AP3B1: variants seen among roughly 807,000 people sequenced by gnomAD.
The protein encoded by AP3B1 is AP-3 complex subunit beta-1.
In AP3B1, 61 loss-of-function variants were observed where a neutral mutation model predicts 132.5. The observed-to-expected ratio is 0.46, with a 90% CI of 0.37 to 0.57. AP3B1 has a LOEUF of 0.57. Ranked by LOEUF, AP3B1 falls within the 20% of genes least tolerant of loss-of-function variation. The pLI, the probability that AP3B1 is intolerant of heterozygous loss-of-function variation, is 0.00. For missense variants in AP3B1, 1,120 were observed against 1,289.4 expected (o/e 0.87, Z 2.01); for synonymous variants, 388 against 438.3 (o/e 0.89, Z 1.43).
intron 21 of AP3B1, among the ~76,000 whole-genome samples, chr5:78,093,415 C>G (rs1331771038): frequency 6.6e-6 from 1 of 152,154 alleles, no homozygotes; most frequent in African/African-American, 2.4e-5. Context: ...TCAGTAGAAT[C>G]CAATTTGGAA....
chr5:78,022,523 C>T (rs2112069436), intron 24 of AP3B1, among the ~76,000 whole-genome samples: 1 of 152,294 alleles, frequency 6.6e-6, no homozygotes, highest in Non-Finnish European at 1.5e-5. Flanking sequence ...CAGTTTATGG[C>T]TGTTGTTGTG....
chr5:78,290,150 T>C (rs777810674), intron 1 of AP3B1, among the ~76,000 whole-genome samples: 2 of 152,248 alleles, frequency 1.3e-5, no homozygotes, highest in Non-Finnish European at 2.9e-5. Flanking sequence ...AAACTGAGGT[T>C]TGAAGAGATC....
chr5:78,076,262 T>G (rs1749763584), intron 22 of AP3B1, among the ~76,000 whole-genome samples: 1 of 152,232 alleles, frequency 6.6e-6, no homozygotes, highest in Non-Finnish European at 1.5e-5. Context: ...ATAAACTTTC[T>G]CAGGGCAAGA....
chr5:78,147,749 T>A (rs1196370339), intron 14 of AP3B1, among the ~76,000 whole-genome samples: 1 of 152,220 alleles, frequency 6.6e-6, no homozygotes, highest in Non-Finnish European at 1.5e-5. Context: ...AGAAAGTTGA[T>A]GCATCAGCCA....
chr5:78,225,747 A>G, intron 5 of AP3B1, 139 bp from the exon 6 acceptor site: 1 of 586,920 alleles, frequency 1.7e-6, no homozygotes. Context: ...AAGAAAAACA[A>G]ATAAAATGGG....
chr5:78,031,645 G>A (rs996343562), intron 24 of AP3B1, among the ~76,000 whole-genome samples: 6 of 151,996 alleles, frequency 3.9e-5, no homozygotes, highest in Non-Finnish European at 7.4e-5. Context: ...ACTGTCTTAA[G>A]ACCCCTACTC....
chr5:78,200,164 T>C (rs952065422), intron 7 of AP3B1, among the ~76,000 whole-genome samples: 18 of 151,886 alleles, frequency 1.2e-4, no homozygotes, highest in African/African-American at 1.9e-4. Context: ...GAGGCAAAGA[T>C]GACAGCTCCA....
In AP3B1 at chr5:78,227,546, A is replaced by T; in HGVS notation, c.376-14T>A. On this transcript the variant is annotated splice_polypyrimidine_tract_variant and intron_variant, in intron 4 of 26. Coordinates refer to ENST00000255194, the MANE Select transcript of AP3B1 (RefSeq NM_003664.5). ...TTGGTTTGGGTCCTAAAAATAGTGC[A>T]AAAATATTCACCAAAATTTCAACTT... The T allele has an allele frequency of 6.2e-7, 1 of 1,613,294 alleles. No individual in the cohort carries two copies. Among genetic ancestry groups the T allele is most frequent in the Non-Finnish European group, 8.5e-7 (1 of 1,179,496 alleles).
chr5:78,080,132 C>T (rs1749927630), intron 22 of AP3B1, among the ~76,000 whole-genome samples: 1 of 152,122 alleles, frequency 6.6e-6, no homozygotes, highest in Admixed American at 6.5e-5. Flanking sequence ...CCTCAGCCTC[C>T]CGAGTAGCTG....
intron 1 of AP3B1, among the ~76,000 whole-genome samples, chr5:78,271,211 C>T (rs969247903): frequency 2.0e-5 from 3 of 152,070 alleles, no homozygotes; most frequent in African/African-American, 7.2e-5. Flanking sequence ...CACCTGAGGT[C>T]GGGAGTTTGA....
chr5:78,280,380 C>T (rs114941195), intron 1 of AP3B1, among the ~76,000 whole-genome samples: 1,531 of 152,214 alleles, frequency 0.01, 24 homozygotes, highest in African/African-American at 0.034. Flanking sequence ...CATGTAGATT[C>T]ATCAGCTCAA....
At chr5:78,072,876 C>A (rs1006435028) in intron 22 of AP3B1, among the ~76,000 whole-genome samples, 1 of 151,860 alleles carries the variant, frequency 6.6e-6, no homozygotes, top group Non-Finnish European at 1.5e-5. Flanking sequence ...CACAAGCCAC[C>A]ATGCCCGGCA....
chr5:78,278,245 C>A (rs1478043874), intron 1 of AP3B1, among the ~76,000 whole-genome samples: 1 of 152,008 alleles, frequency 6.6e-6, no homozygotes, highest in Non-Finnish European at 1.5e-5. Context: ...AAACTTTTTT[C>A]CTACAAATAG....
intron 11 of AP3B1, among the ~76,000 whole-genome samples, chr5:78,173,049 G>T (rs940772708): frequency 1.3e-5 from 2 of 152,230 alleles, no homozygotes; most frequent in African/African-American, 4.8e-5. Flanking sequence ...AGGTTGTTCA[G>T]TTTCCACGCA....
intron 7 of AP3B1, 141 bp downstream of exon 7, chr5:78,215,914 A>T: frequency 1.3e-6 from 1 of 741,590 alleles, no homozygotes; most frequent in Non-Finnish European, 2.2e-6. Flanking sequence ...TGCCTGCTTT[A>T]GTAAAAGAAC....
At chr5:78,197,871 G>C (rs1436192778) in intron 7 of AP3B1, among the ~76,000 whole-genome samples, 3 of 152,120 alleles carry the variant, frequency 2.0e-5, no homozygotes. Context: ...AACAACTTCA[G>C]CTTAAGAAAC....
intron 6 of AP3B1, among the ~76,000 whole-genome samples, chr5:78,216,772 A>G (rs1291770372): frequency 3.3e-5 from 5 of 152,182 alleles, no homozygotes. Context: ...TTTTTACCCA[A>G]TATAATTTAT....
At chr5:78,193,207 A>C (rs1476052008) in intron 7 of AP3B1, among the ~76,000 whole-genome samples, 1 of 152,214 alleles carries the variant, frequency 6.6e-6, no homozygotes, top group Non-Finnish European at 1.5e-5. Flanking sequence ...TACTTTTGAC[A>C]TATCAGATAA....
intron 21 of AP3B1, among the ~76,000 whole-genome samples, chr5:78,091,533 G>C (rs1750517574): frequency 6.6e-6 from 1 of 152,088 alleles, no homozygotes; most frequent in African/African-American, 2.4e-5. Context: ...ACAGAGTCAG[G>C]GGCAAAACAA....
Sources: allele counts gnomAD v4.1 joint callset (sites outside exome capture counted in the v4.1 genomes callset), GRCh38; gene constraint gnomAD v4.1.1; transcripts MANE v1.5; gene names NCBI Gene and HGNC (gene_info 2026-07-23, HGNC 2026-07-21).